Variants in HIVEP2 observed in about 807,000 individuals in gnomAD.
HIVEP2 encodes transcription factor HIVEP2.
HIVEP2 carries 14 observed loss-of-function variants against 180.7 expected under a neutral mutation model. That is an observed-to-expected ratio of 0.08 (90% CI 0.05 to 0.12). The LOEUF is 0.12. HIVEP2 is among the 10% of genes least tolerant of loss of function. HIVEP2 has a pLI of 1.00. For synonymous variants in HIVEP2, 1,184 were observed against 1,136.4 expected, an observed-to-expected ratio of 1.04 and a Z score of -0.84; for missense variants, 2,579 against 3,008.5, an observed-to-expected ratio of 0.86 and a Z score of 3.34.
intron 1 of HIVEP2, among the ~76,000 whole-genome samples, chr6:142,895,038 T>C (rs916122905): frequency 1.3e-5 from 2 of 152,234 alleles, no homozygotes; most frequent in African/African-American, 4.8e-5. Flanking sequence ...TCCTGCTCCA[T>C]GACCAAAAAT....
In HIVEP2 at chr6:142,774,534, G is replaced by C; in HGVS notation, c.205C>G (p.Leu69Val). 3 of 1,614,208 alleles carry C rather than the reference G, an allele frequency of 1.9e-6. No homozygotes were observed. The highest frequency in any genetic ancestry group is 2.5e-6 in the Non-Finnish European group (3 of 1,180,038). Reference sequence around the variant, plus strand: ...TGCACCACTTCACTAGGGGAGGCCAGTTTCCCAGAACCAAACAGTTGTGCT... The same window carrying C: ...TGCACCACTTCACTAGGGGAGGCCACTTTCCCAGAACCAAACAGTTGTGCT... ...ASAQLFGSGK[L>V]ASPSEVVQQV... is the part of the protein sequence containing the mutation. Residue 69 changes from leucine to valine, a missense_variant, in exon 5 of 10, where the codon CTG (leucine) becomes GTG (valine). Physicochemically the swap from Leu to Val is conservative, Grantham distance 32. Transcript: ENST00000367603. This position sits in a 1 kb window ranked among gnomAD's most constrained non-coding sequence, Gnocchi z 5.1.
chr6:142,798,959 G>A (rs1373703824), intron 2 of HIVEP2, among the ~76,000 whole-genome samples: 1 of 152,134 alleles, frequency 6.6e-6, no homozygotes, highest in Non-Finnish European at 1.5e-5. Context: ...GTTTCCAGAA[G>A]CTATAAATAC....
chr6:142,889,175 T>TAAA (rs1554220712), intron 1 of HIVEP2, among the ~76,000 whole-genome samples: 1 of 152,160 alleles, frequency 6.6e-6, no homozygotes, highest in Non-Finnish European at 1.5e-5. Context: ...GCATTGACAT[T>TAAA]TTAAACTCCT....
chr6:142,817,934 A>T (rs1776886961), intron 2 of HIVEP2, among the ~76,000 whole-genome samples: 1 of 151,344 alleles, frequency 6.6e-6, no homozygotes, highest in Non-Finnish European at 1.5e-5. Flanking sequence ...TGAACCTGGG[A>T]GGCGGAGGTT....
intron 2 of HIVEP2, among the ~76,000 whole-genome samples, chr6:142,808,050 A>T (rs1351951670): frequency 6.6e-6 from 1 of 152,170 alleles, no homozygotes; most frequent in East Asian, 1.9e-4. Context: ...GGCCCTCCAG[A>T]ATCTGGTTTA....
At chr6:142,903,424 A>G (rs952972463) in intron 1 of HIVEP2, among the ~76,000 whole-genome samples, 2 of 152,220 alleles carry the variant, frequency 1.3e-5, no homozygotes, top group African/African-American at 4.8e-5. Context: ...ATGTAAGTAA[A>G]TATCTCTTAA....
intron 2 of HIVEP2, among the ~76,000 whole-genome samples, chr6:142,821,546 T>C (rs908162509): frequency 1.3e-5 from 2 of 152,186 alleles, no homozygotes; most frequent in African/African-American, 4.8e-5. Flanking sequence ...ACAAATAATA[T>C]TGTTAACAGA....
chr6:142,833,002 A>C (rs1775132126), intron 2 of HIVEP2, among the ~76,000 whole-genome samples: 1 of 152,210 alleles, frequency 6.6e-6, no homozygotes, highest in South Asian at 2.1e-4. Context: ...GTCAGTCATA[A>C]TAAAAAGAAC....
chr6:142,788,750 A>G (rs531859220), intron 2 of HIVEP2, among the ~76,000 whole-genome samples: 149 of 152,196 alleles, frequency 9.8e-4, no homozygotes, highest in African/African-American at 2.9e-3. Flanking sequence ...CAAAACAAAC[A>G]AACAAACGAA....
At chr6:142,835,298 G>T (rs1775194543) in intron 2 of HIVEP2, among the ~76,000 whole-genome samples, 1 of 152,144 alleles carries the variant, frequency 6.6e-6, no homozygotes, top group African/African-American at 2.4e-5. Flanking sequence ...ACACAAGGAG[G>T]CCATCTGCAC....
At chr6:142,777,643 C>T (rs556020172) in intron 3 of HIVEP2, among the ~76,000 whole-genome samples, 41 of 35,830 alleles carry the variant, frequency 1.1e-3, no homozygotes, top group African/African-American at 4.5e-3. Flanking sequence ...AGCAAAACTC[C>T]ATCTCAAAAA....
chr6:142,858,404 T>C (rs781206609), intron 1 of HIVEP2, among the ~76,000 whole-genome samples: 9 of 152,130 alleles, frequency 5.9e-5, no homozygotes, highest in Non-Finnish European at 1.3e-4. Context: ...TCTCCCACAC[T>C]GAATAGAAGC....
intron 2 of HIVEP2, among the ~76,000 whole-genome samples, chr6:142,835,066 T>C (rs550974925): frequency 6.6e-6 from 1 of 152,266 alleles, no homozygotes; most frequent in South Asian, 2.1e-4. Flanking sequence ...AGATGAAATA[T>C]AATTCTGGTT....
chr6:142,895,048 T>C (rs1226107002), intron 1 of HIVEP2, among the ~76,000 whole-genome samples: 1 of 152,224 alleles, frequency 6.6e-6, no homozygotes, highest in African/African-American at 2.4e-5. Context: ...TGACCAAAAA[T>C]ATCACAAGTA....
At chr6:142,934,268 G>A (rs1778003656) in intron 1 of HIVEP2, among the ~76,000 whole-genome samples, 1 of 152,128 alleles carries the variant, frequency 6.6e-6, no homozygotes, top group Non-Finnish European at 1.5e-5. Flanking sequence ...CAGGAGGTAG[G>A]GGAGTGCTAT....
chr6:142,916,365 A>G (rs1456053466), intron 1 of HIVEP2, among the ~76,000 whole-genome samples: 1 of 152,156 alleles, frequency 6.6e-6, no homozygotes, highest in Non-Finnish European at 1.5e-5. Flanking sequence ...CCAAAATCCT[A>G]AACTGAGTTT....
At chr6:142,930,000 G>T (rs1777904028) in intron 1 of HIVEP2, among the ~76,000 whole-genome samples, 1 of 152,148 alleles carries the variant, frequency 6.6e-6, no homozygotes, top group Non-Finnish European at 1.5e-5. Context: ...TAATCAAATT[G>T]AGTAATATCC....
intron 2 of HIVEP2, among the ~76,000 whole-genome samples, chr6:142,803,892 G>C (rs948285651): frequency 4.6e-5 from 7 of 152,094 alleles, no homozygotes; most frequent in African/African-American, 7.2e-5. Context: ...AAAGTACCAG[G>C]AAAGGAACCA....
At chr6:142,910,191 G>A (rs555983036) in intron 1 of HIVEP2, among the ~76,000 whole-genome samples, 6 of 152,284 alleles carry the variant, frequency 3.9e-5, no homozygotes, top group African/African-American at 7.2e-5. Flanking sequence ...TGCATTATCC[G>A]TTTCTTTCTG....
Sources: allele counts gnomAD v4.1 joint callset (sites outside exome capture counted in the v4.1 genomes callset), GRCh38; gene constraint gnomAD v4.1.1; non-coding constraint Gnocchi (gnomAD v3.1); transcripts MANE v1.5; gene names NCBI Gene and HGNC (gene_info 2026-07-23, HGNC 2026-07-21).